Variants in BCKDHB observed in about 807,000 individuals in gnomAD.
BCKDHB encodes the protein 2-oxoisovalerate dehydrogenase subunit beta, mitochondrial.
BCKDHB carries 41 observed loss-of-function variants against 48.5 expected under a neutral mutation model. That is an observed-to-expected ratio of 0.85 (90% confidence interval 0.66 to 1.10). BCKDHB has a LOEUF of 1.10. Ranked by LOEUF, BCKDHB falls within the 50% of genes least tolerant of loss-of-function variation. The pLI is 0.00. For synonymous variants in BCKDHB, 201 were observed against 174.8 expected (o/e 1.15, Z -1.18); for missense variants, 496 against 494.2 (o/e 1.00, Z -0.03).
intron 8 of BCKDHB, among the ~76,000 whole-genome samples, chr6:80,247,365 C>G (rs634499): frequency 0.85 from 129,469 of 152,216 alleles, 55,590 homozygotes; most frequent in East Asian, 0.99. Context: ...AATCTTATTA[C>G]CTAGACCTGA....
chr6:80,295,044 G>A (rs1281366436), intron 9 of BCKDHB, among the ~76,000 whole-genome samples: 1 of 152,042 alleles, frequency 6.6e-6, no homozygotes, highest in East Asian at 1.9e-4. Context: ...GGCTCAGGTG[G>A]GCATCACAGT....
chr6:80,293,771 A>G (rs1767069537), intron 9 of BCKDHB, among the ~76,000 whole-genome samples: 1 of 152,204 alleles, frequency 6.6e-6, no homozygotes, highest in African/African-American at 2.4e-5. Flanking sequence ...TCACCTCTTG[A>G]ATGCTTTGCT....
chr6:80,362,162 G>C, the BCKDHB span, among the ~76,000 whole-genome samples: 2 of 152,098 alleles, frequency 1.3e-5, no homozygotes, highest in Non-Finnish European at 1.5e-5. Context: ...CTCTGAGGCA[G>C]CCCTGGGAAA....
chr6:80,112,629 C>T (rs1202419033), intron 1 of BCKDHB, among the ~76,000 whole-genome samples: 1 of 152,198 alleles, frequency 6.6e-6, no homozygotes. Context: ...ACAAACAAGC[C>T]CCAAGAGTGT....
intron 9 of BCKDHB, among the ~76,000 whole-genome samples, chr6:80,295,220 T>TAGTGTG (rs1767160950): frequency 6.6e-6 from 1 of 152,206 alleles, no homozygotes; most frequent in African/African-American, 2.4e-5. Context: ...TTTACTGTAT[T>TAGTGTG]AGTGTGTTCT....
the BCKDHB span, among the ~76,000 whole-genome samples, chr6:80,459,854 A>G: frequency 6.6e-6 from 1 of 152,114 alleles, no homozygotes; most frequent in African/African-American, 2.4e-5. Flanking sequence ...GCATGGAATT[A>G]CTCGATGATC....
chr6:80,434,320 TTAA>T, the BCKDHB span, among the ~76,000 whole-genome samples: 1 of 151,586 alleles, frequency 6.6e-6, no homozygotes, highest in African/African-American at 2.4e-5. Context: ...GAGTATTATT[TTAA>T]TAATAGTTTT....
the BCKDHB span, among the ~76,000 whole-genome samples, chr6:80,435,689 A>G: frequency 1.3e-5 from 2 of 152,252 alleles, no homozygotes; most frequent in African/African-American, 4.8e-5. Context: ...TCATTTTGGT[A>G]TATATACTGA....
At chr6:80,342,584 G>A (rs2143888) in intron 9 of BCKDHB, among the ~76,000 whole-genome samples, 77,338 of 104,350 alleles carry the variant, frequency 0.74, 29,811 homozygotes, top group Non-Finnish European at 0.81. Flanking sequence ...AAAAAAGAAA[G>A]GGAAGAAAGG....
intron 8 of BCKDHB, among the ~76,000 whole-genome samples, chr6:80,257,340 TACAC>T (rs36159873): frequency 1.7e-4 from 26 of 150,068 alleles, no homozygotes; most frequent in African/African-American, 5.1e-4. Context: ...TATGTATCTA[TACAC>T]ACACACACAC....
intron 3 of BCKDHB, among the ~76,000 whole-genome samples, chr6:80,149,769 A>C (rs1274206963): frequency 6.9e-6 from 1 of 144,946 alleles, no homozygotes; most frequent in Non-Finnish European, 1.5e-5. Flanking sequence ...ATAGGTGGGA[A>C]TTGAACAATG....
chr6:80,162,688 G>C (rs111835972), intron 3 of BCKDHB, among the ~76,000 whole-genome samples: 1 of 151,636 alleles, frequency 6.6e-6, no homozygotes, highest in Non-Finnish European at 1.5e-5. Context: ...CCATCTCTAC[G>C]AAAAATACAA....
At chr6:80,213,553 T>A (rs2127846299) in intron 8 of BCKDHB, among the ~76,000 whole-genome samples, 1 of 152,254 alleles carries the variant, frequency 6.6e-6, no homozygotes, top group Non-Finnish European at 1.5e-5. Context: ...TGAGGGTTCT[T>A]CTCTGTTCAA....
At chr6:80,394,230 T>C in the BCKDHB span, among the ~76,000 whole-genome samples, 1 of 152,172 alleles carries the variant, frequency 6.6e-6, no homozygotes, top group Non-Finnish European at 1.5e-5. Context: ...ATGTTTTCTC[T>C]ACTGTTTCAA....
rs147544283 is a variant in BCKDHB at position 80,344,530 on chromosome 6, A to G, written c.*726A>G. 2,977 of 152,386 alleles carry G rather than the reference A, an allele frequency of 0.02. 82 individuals are homozygous for G. Among genetic ancestry groups the G allele is most frequent in the East Asian group, 0.11 (549 of 5,104 alleles). The allele number at this position is 152,386 out of a possible 1,614,324, so 9.4% of individuals were successfully genotyped here. A position where few individuals can be genotyped will look rare whatever the true frequency, so the allele number is the denominator to read the frequency against. Reference sequence around the variant, plus strand: ...CCAGCTAATTTTTTATATTTTTAGTAGAGACGGGGTTTCACCATGTTGGCC... The same window carrying G: ...CCAGCTAATTTTTTATATTTTTAGTGGAGACGGGGTTTCACCATGTTGGCC... On this transcript the variant is annotated 3_prime_UTR_variant, in exon 10 of 10. Coordinates refer to ENST00000320393, the MANE Select transcript of BCKDHB (RefSeq NM_183050.4).
chr6:80,215,573 C>T (rs907299804), intron 8 of BCKDHB, among the ~76,000 whole-genome samples: 2 of 152,106 alleles, frequency 1.3e-5, no homozygotes, highest in Non-Finnish European at 2.9e-5. Flanking sequence ...AATAACGTGG[C>T]ATTTGGTTTT....
At chr6:80,287,312 A>G (rs1353471141) in intron 9 of BCKDHB, among the ~76,000 whole-genome samples, 1 of 152,190 alleles carries the variant, frequency 6.6e-6, no homozygotes, top group Admixed American at 6.5e-5. Context: ...CTTAATGGGA[A>G]TATGTCAGCC....
intron 8 of BCKDHB, among the ~76,000 whole-genome samples, chr6:80,250,687 G>A (rs879781675): frequency 2.0e-4 from 30 of 152,082 alleles, no homozygotes; most frequent in Non-Finnish European, 4.4e-5. Context: ...GATCATCCAG[G>A]CTTATACAAC....
the BCKDHB span, among the ~76,000 whole-genome samples, chr6:80,395,374 C>G: frequency 6.6e-6 from 1 of 152,230 alleles, no homozygotes; most frequent in South Asian, 2.1e-4. Context: ...GTAAGATGGA[C>G]AATGAAGTCC....
Sources: allele counts gnomAD v4.1 joint callset (sites outside exome capture counted in the v4.1 genomes callset), GRCh38; gene constraint gnomAD v4.1.1; transcripts MANE v1.5; gene names NCBI Gene and HGNC (gene_info 2026-07-23, HGNC 2026-07-21).